Variants in EXOC2 observed in about 807,000 individuals in gnomAD.
The protein encoded by EXOC2 is exocyst complex component 2.
In EXOC2, 70 loss-of-function variants were observed where a neutral mutation model predicts 131.8. The ratio of observed to expected loss-of-function variants is 0.53; its 90% CI spans 0.44 to 0.65. EXOC2 has a LOEUF of 0.65. Ranked by LOEUF, EXOC2 falls within the 30% of genes least tolerant of loss-of-function variation. The probability of loss-of-function intolerance (pLI) is 0.00; values close to 1 mark genes in which losing one functional copy is unlikely to be tolerated. For missense variants in EXOC2, 923 were observed against 1,108.6 expected (o/e 0.83, Z 2.38); for synonymous variants, 411 against 398.4 (o/e 1.03, Z -0.38).
chr6:636,625 A>G (rs376708756), intron 2 of EXOC2, among the ~76,000 whole-genome samples: 4 of 152,336 alleles, frequency 2.6e-5, no homozygotes, highest in African/African-American at 9.6e-5. Context: ...GCAAGTTCCA[A>G]TTCGTGATTT....
At chr6:581,952 A>C (rs1246847695) in intron 11 of EXOC2, among the ~76,000 whole-genome samples, 22 of 152,232 alleles carry the variant, frequency 1.4e-4, no homozygotes, top group African/African-American at 2.4e-5. Context: ...ATACCTCTAG[A>C]CATTTTAACA....
intron 6 of EXOC2, among the ~76,000 whole-genome samples, chr6:612,399 A>G (rs188814557): frequency 3.9e-5 from 6 of 152,356 alleles, no homozygotes; most frequent in Non-Finnish European, 5.9e-5. Flanking sequence ...AGATGCATTA[A>G]TATTTTAAAT....
chr6:656,655 G>A (rs766267576), intron 1 of EXOC2: 24 of 1,606,714 alleles, frequency 1.5e-5, no homozygotes, highest in African/African-American at 1.2e-4. Context: ...CAGGGAGGAC[G>A]CGCCCGCTGC....
chr6:526,111 A>G (rs1174470945), intron 23 of EXOC2, among the ~76,000 whole-genome samples: 1 of 152,240 alleles, frequency 6.6e-6, no homozygotes, highest in Non-Finnish European at 1.5e-5. Flanking sequence ...TTTCTAAGTA[A>G]ATTCTATACA....
At chr6:557,603 G>T (rs556320190) in intron 17 of EXOC2, among the ~76,000 whole-genome samples, 2 of 114,774 alleles carry the variant, frequency 1.7e-5, no homozygotes, top group African/African-American at 3.4e-5. Flanking sequence ...GGGTGACAGA[G>T]AGAGACTTCA....
intron 7 of EXOC2, among the ~76,000 whole-genome samples, chr6:606,243 A>ACC (rs747205322): frequency 6.6e-6 from 1 of 152,188 alleles, no homozygotes; most frequent in Non-Finnish European, 1.5e-5. Flanking sequence ...CAGGAAGGGG[A>ACC]CCATCACACA....
At chr6:562,729 CTATT>C in intron 17 of EXOC2, 51 bp downstream of exon 17, 1 of 1,247,856 alleles carries the variant, frequency 8.0e-7, no homozygotes. Flanking sequence ...ATATGATAAA[CTATT>C]TATTTTAAAT....
intron 4 of EXOC2, among the ~76,000 whole-genome samples, chr6:628,909 A>C (rs564829908): frequency 2.6e-5 from 4 of 152,226 alleles, no homozygotes; most frequent in Admixed American, 6.5e-5. Flanking sequence ...TGTTTCAAAG[A>C]TGTTACCTAG....
chr6:570,048 T>C (rs374382462), intron 13 of EXOC2, among the ~76,000 whole-genome samples: 3 of 152,074 alleles, frequency 2.0e-5, no homozygotes, highest in Non-Finnish European at 4.4e-5. Context: ...GGGCCACTTG[T>C]AGGAACTGAT....
chr6:649,184 C>T (rs973144812), intron 1 of EXOC2, among the ~76,000 whole-genome samples: 5 of 151,996 alleles, frequency 3.3e-5, no homozygotes, highest in African/African-American at 4.8e-5. Context: ...ACCACTGTGC[C>T]CGGCCACAAA....
At chr6:491,004 TATCAC>T (rs1379142673) in intron 26 of EXOC2, 116 bp downstream of exon 26, 1 of 1,042,512 alleles carries the variant, frequency 9.6e-7, no homozygotes, top group Non-Finnish European at 1.5e-6. Flanking sequence ...ACATAAACTT[TATCAC>T]ATCACAAATT....
chr6:556,164 G>C, intron 18 of EXOC2, 151 bp from the exon 19 acceptor site: 1 of 727,126 alleles, frequency 1.4e-6, no homozygotes, highest in East Asian at 2.6e-5. Flanking sequence ...TGGGCCTACT[G>C]GGAGGTGTTC....
rs1757357279 is a variant in EXOC2 at position 555,245 on chromosome 6, G to C, written c.2036C>G (p.Ala679Gly). 6.6e-7 allele frequency: 1 copy of C among 1,520,806 alleles called. No individual in the cohort carries two copies. The highest frequency in any genetic ancestry group is 8.9e-7 in the Non-Finnish European group (1 of 1,119,992). The allele number at this position is 1,520,806 out of a possible 1,614,324, so 94.2% of individuals were successfully genotyped here. Residue 679 changes from alanine to glycine, a missense_variant, in exon 20 of 28, where the codon GCA becomes GGA. Coordinates refer to ENST00000230449, the MANE Select transcript of EXOC2 (RefSeq NM_018303.6). ...CLEQLSTKPD[A>G]DIDTTHLSVD... is the part of the protein sequence containing the mutation. ...TACTTACTGTGTAGTATCTATATCT[G>C]CATCAGGCTTGGTGCTCAACTGTTC... is the stretch of plus-strand genomic sequence containing the variant.
intron 23 of EXOC2, among the ~76,000 whole-genome samples, chr6:529,642 A>T (rs1765957809): frequency 6.6e-6 from 1 of 152,228 alleles, no homozygotes; most frequent in African/African-American, 2.4e-5. Context: ...ACCAATTAAG[A>T]TAAGCATGAT....
At chr6:532,429 G>C in intron 23 of EXOC2, 40 bp downstream of exon 23, 3 of 1,458,602 alleles carry the variant, frequency 2.1e-6, no homozygotes, top group Non-Finnish European at 2.7e-6. Context: ...ATTGATAAAA[G>C]TATATCCACA....
At position 576,885 on chromosome 6, in the gene EXOC2, G is replaced by A. The variant is rs2127600641; in HGVS notation, c.1193-3C>T. ...GGGACTGTGCAGGCCTGGGTTACCT[G>A]GGGAAGAAAGGAGAGATATACAGAG... On this transcript the variant is annotated splice_region_variant and splice_polypyrimidine_tract_variant and intron_variant, in intron 11 of 27. Coordinates refer to ENST00000230449, the MANE Select transcript of EXOC2 (RefSeq NM_018303.6). The A allele has an allele frequency of 6.2e-7, 1 of 1,613,660 alleles. No homozygotes were observed. Among genetic ancestry groups the A allele is most frequent in the Non-Finnish European group, 8.5e-7 (1 of 1,179,752 alleles).
At position 619,551 on chromosome 6, in the gene EXOC2, G is replaced by T; in HGVS notation, c.423-8C>A. The T allele has an allele frequency of 6.3e-7, 1 of 1,588,788 alleles. No homozygotes were observed. The highest frequency in any genetic ancestry group is 8.6e-7 in the Non-Finnish European group (1 of 1,158,950). The stretch of plus-strand genomic sequence containing the variant: ...TTCTGCGAAAATTTACTTCTGAGGG[G>T]AAAAAACGTTTAAAATATATTTCAA... On this transcript the variant is annotated splice_polypyrimidine_tract_variant and splice_region_variant and intron_variant, in intron 4 of 27. Coordinates refer to ENST00000230449, the MANE Select transcript of EXOC2 (RefSeq NM_018303.6).
At chr6:632,503 A>C (rs1037240541) in intron 3 of EXOC2, among the ~76,000 whole-genome samples, 6 of 152,228 alleles carry the variant, frequency 3.9e-5, no homozygotes, top group African/African-American at 1.2e-4. Context: ...CCAAGCTAGG[A>C]AATGTATCAT....
At chr6:608,826 G>A (rs1284090807) in intron 7 of EXOC2, among the ~76,000 whole-genome samples, 4 of 152,146 alleles carry the variant, frequency 2.6e-5, no homozygotes, top group Non-Finnish European at 5.9e-5. Context: ...TTTTTATACA[G>A]ATATCATAGT....
Sources: allele counts gnomAD v4.1 joint callset (sites outside exome capture counted in the v4.1 genomes callset), GRCh38; gene constraint gnomAD v4.1.1; transcripts MANE v1.5; gene names NCBI Gene and HGNC (gene_info 2026-07-23, HGNC 2026-07-21).